Variants in SYNE2 observed in about 807,000 individuals in gnomAD.
SYNE2 encodes spectrin repeat containing nuclear envelope protein 2, also known as nesprin-2.
In SYNE2, 431 loss-of-function variants were observed where a neutral mutation model predicts 856.3. The ratio of observed to expected loss-of-function variants is 0.50; its 90% CI spans 0.47 to 0.55. The LOEUF (loss-of-function observed/expected upper bound fraction) is 0.55. Ranked by LOEUF, SYNE2 falls within the 20% of genes least tolerant of loss-of-function variation. The pLI is 0.00. For missense variants in SYNE2, 8,129 were observed against 8,023.2 expected (o/e 1.01, Z -0.50); for synonymous variants, 2,923 against 2,872.3 (o/e 1.02, Z -0.56).
At chr14:64,026,979 TG>T (rs2096985392) in intron 42 of SYNE2, among the ~76,000 whole-genome samples, 2 of 152,218 alleles carry the variant, frequency 1.3e-5, no homozygotes, top group African/African-American at 2.4e-5. Flanking sequence ...ATGTGAACAT[TG>T]ATAAATGTTG....
chr14:63,990,293 A>C (rs1025793049), intron 19 of SYNE2, 118 bp from the exon 20 acceptor site: 8 of 924,760 alleles, frequency 8.7e-6, no homozygotes, highest in Non-Finnish European at 1.3e-5. Flanking sequence ...TTCAGAATGC[A>C]AATTTGCCTG....
Position 64,212,987 on chromosome 14 carries a change from G to A in SYNE2, c.19038G>A (p.Arg6346=), listed in dbSNP as rs778750902. Residue 6346 remains arginine (R), a synonymous_variant, in exon 105 of 116, where the codon CGG becomes CGA. Transcript: ENST00000555002. ...GAAGGGTCTCCCGGTTCCACCGGCGGCTCACCTCCTGCACTCCGGTACGGG... is the reference window on the plus strand; with the variant it reads ...GAAGGGTCTCCCGGTTCCACCGGCGACTCACCTCCTGCACTCCGGTACGGG... ...VFGRVSRFHR[R]LTSCTPGLED... is the part of the protein sequence containing the mutation. 1 of 1,613,656 alleles carries A rather than the reference G, an allele frequency of 6.2e-7. No individual in the cohort carries two copies. Among genetic ancestry groups the A allele is most frequent in the Non-Finnish European group, 8.5e-7 (1 of 1,179,988 alleles).
intron 2 of SYNE2, among the ~76,000 whole-genome samples, chr14:63,925,107 G>C (rs917424192): frequency 6.6e-6 from 1 of 151,794 alleles, no homozygotes; most frequent in Non-Finnish European, 1.5e-5. Flanking sequence ...TTCAAGACCA[G>C]CTTGGGCGAC....
At chr14:63,813,507 T>C (rs1595135012) in intron 1 of SYNE2, among the ~76,000 whole-genome samples, 2 of 152,360 alleles carry the variant, frequency 1.3e-5, no homozygotes, top group African/African-American at 4.8e-5. Context: ...ACTAACTGCC[T>C]GTATTGGCTG....
At chr14:63,915,140 A>G (rs1186845025) in intron 2 of SYNE2, among the ~76,000 whole-genome samples, 1 of 152,234 alleles carries the variant, frequency 6.6e-6, no homozygotes, top group African/African-American at 2.4e-5. Context: ...AATATTATTT[A>G]TATCAATGTG....
rs2098717897 is a variant in SYNE2 at position 64,226,266 on chromosome 14, T to TGTAA, written c.*743_*746dup. On this transcript the variant is annotated 3_prime_UTR_variant, in exon 116 of 116. Coordinates refer to ENST00000555002, the MANE Select transcript of SYNE2 (RefSeq NM_182914.3). ...ACTACCGACTTGATAGGGATGTTTT[T>TGTAA]GTAAGTTAATTTTCTAAGACTTTTT... 1 of 152,246 alleles carries TGTAA rather than the reference T, an allele frequency of 6.6e-6. No individual in the cohort carries two copies. Among genetic ancestry groups the TGTAA allele is most frequent in the African/African-American group, 2.4e-5 (1 of 41,382 alleles). The allele number at this position is 152,246 out of a possible 1,614,324, so 9.4% of individuals were successfully genotyped here. A position where few individuals can be genotyped will look rare whatever the true frequency, so the allele number is the denominator to read the frequency against.
rs1057293792 is a variant in SYNE2, at chr14:63,776,686, G to A, written c.-305+14700G>A. On this transcript the variant is annotated intron_variant, in intron 1 of 23. Coordinates refer to the SYNE2 transcript ENST00000674003. ...ATGATCTCAGCTCACTGCAACCTCC[G>A]CTTCCTGGGTTCTAGTGATTCTCCT... Among the ~76,000 whole-genome samples, 149 of 147,128 alleles carry A rather than the reference G, an allele frequency of 1.0e-3. 2 individuals are homozygous for A. The highest frequency in any genetic ancestry group is 2.1e-4 in the Admixed American group (3 of 14,124).
intron 1 of SYNE2, among the ~76,000 whole-genome samples, chr14:63,887,059 G>T (rs2095004571): frequency 6.6e-6 from 1 of 152,180 alleles, no homozygotes. Context: ...AAGGTGGCTA[G>T]ATCACGAGGT....
intron 10 of SYNE2, among the ~76,000 whole-genome samples, chr14:63,965,870 G>A (rs112274725): frequency 4.9e-4 from 74 of 152,108 alleles, no homozygotes; most frequent in African/African-American, 1.5e-3. Flanking sequence ...TTTTTTTCTC[G>A]ACAAAGTGCT....
intron 95 of SYNE2, among the ~76,000 whole-genome samples, chr14:64,176,980 T>C (rs1004769195): frequency 2.6e-5 from 4 of 152,046 alleles, no homozygotes; most frequent in East Asian, 1.9e-4. Context: ...GTATTTTTAG[T>C]GGAGACGGAG....
Position 63,815,416 on chromosome 14 carries a change from T to C in SYNE2, c.-304-37085T>C, listed in dbSNP as rs200144786. ...AAGCATCCAGCATGAAAGAAAGATA[T>C]AGGCTAGGAGGCTAGGCCAGTCTAG... On this transcript the variant is annotated intron_variant, in intron 1 of 23. Coordinates refer to the SYNE2 transcript ENST00000674003. 1.8e-4 allele frequency among the ~76,000 whole-genome samples: 27 copies of C among 151,812 alleles called. 1 individual carries two copies. The East Asian group carries it at 2.7e-3, about 15-fold the overall frequency.
intron 1 of SYNE2, among the ~76,000 whole-genome samples, chr14:63,820,818 C>T (rs899705522): frequency 6.6e-6 from 1 of 151,394 alleles, no homozygotes; most frequent in Non-Finnish European, 1.5e-5. Context: ...AGCACAGTCT[C>T]CTCTTACTGC....
Position 64,062,762 on chromosome 14 carries a change from A to G in SYNE2, c.10079A>G (p.Asn3360Ser), listed in dbSNP as rs745823049. 2.5e-5 allele frequency: 40 copies of G among 1,613,744 alleles called. No homozygotes were observed. The highest frequency in any genetic ancestry group is 3.4e-5 in the Non-Finnish European group (40 of 1,179,654). Residue 3360 changes from asparagine (N) to serine (S), a missense_variant, in exon 50 of 116, where the codon AAT becomes AGT. Around this residue, in one of 3 missense-constraint regions of SYNE2, gnomAD observed 5,410 missense variants for 5,284.8 expected, o/e 1.02. Transcript: ENST00000555002. ...CTGTGACTCACTAGGTATCTTGAGA[A>G]TTACAAATGCTATAGAAAAATGGAA... ...QETEAERYLE[N>S]YKCYRKMEED...
At chr14:64,024,857 T>A in intron 39 of SYNE2, 55 bp from the exon 40 acceptor site, 1 of 1,599,574 alleles carries the variant, frequency 6.3e-7, no homozygotes, top group South Asian at 1.1e-5. Context: ...TCCTTTTCTT[T>A]GGTATAAACA....
At chr14:63,765,602 C>T (rs1886647443) in intron 1 of SYNE2, among the ~76,000 whole-genome samples, 1 of 152,174 alleles carries the variant, frequency 6.6e-6, no homozygotes, top group Non-Finnish European at 1.5e-5. Context: ...CATGATCCGC[C>T]TGCCTCGGCC....
Position 64,089,639 on chromosome 14 carries a change from C to G in SYNE2, c.11736C>G (p.Ile3912Met), listed in dbSNP as rs111652000. 1.9e-6 allele frequency: 3 copies of G among 1,603,364 alleles called. No homozygotes were observed. The highest frequency in any genetic ancestry group is 4.5e-5 in the East Asian group (2 of 44,652). ...AAAGAGTTTCAAAAATCAAAACTAT[C>G]CTATTATCAAAAGAAATATTTGATT... ...MEKRVSKIKT[I>M]LLSKEIFDFS... is the part of the protein sequence containing the mutation. Residue 3912 changes from isoleucine (I) to methionine (M), a missense_variant, in exon 59 of 116, where the codon ATC (isoleucine) becomes ATG (methionine). By Grantham distance (10) the Ile-to-Met change is conservative. Around this residue, in one of 3 missense-constraint regions of SYNE2, gnomAD observed 5,410 missense variants for 5,284.8 expected, o/e 1.02. Coordinates refer to ENST00000555002, the MANE Select transcript of SYNE2 (RefSeq NM_182914.3).
rs6573548 is a variant in SYNE2 at position 64,203,053 on chromosome 14, C to T, written c.18201+90C>T. On this transcript the variant is annotated intron_variant, in intron 100 of 115. Coordinates refer to ENST00000555002, the MANE Select transcript of SYNE2 (RefSeq NM_182914.3). ...TTCCCCGTATATCTATGTGTTTTCA[C>T]GTGCTCACATTCCATAACATTGGTT... 0.36 allele frequency: 549,731 copies of T among 1,511,064 alleles called. 105,374 individuals are homozygous for T. The highest frequency in any genetic ancestry group is 0.69 in the African/African-American group (50,433 of 73,026). 93.6% of individuals were successfully genotyped at this position (1,511,064 alleles called of 1,614,324 possible).
At chr14:64,132,764 C>G (rs895331535) in intron 77 of SYNE2, among the ~76,000 whole-genome samples, 17 of 152,076 alleles carry the variant, frequency 1.1e-4, no homozygotes, top group African/African-American at 7.2e-5. Flanking sequence ...TGTACTTCTT[C>G]AAGAGAACAG....
chr14:63,892,700 G>C (rs1217752754), intron 1 of SYNE2, among the ~76,000 whole-genome samples: 1 of 149,650 alleles, frequency 6.7e-6, no homozygotes, highest in African/African-American at 2.5e-5. Context: ...ATTTGTGTGT[G>C]TGTAAAAAAT....
Sources: gnomAD v4.1 joint callset for allele counts (sites outside exome capture counted in the v4.1 genomes callset) on GRCh38, gnomAD v4.1.1 for gene constraint, gnomAD v4.1.1 regional missense constraint, MANE v1.5 for transcripts, NCBI Gene and HGNC (gene_info 2026-07-23, HGNC 2026-07-21) for gene names.